PLA2R1: variants seen among roughly 807,000 people sequenced by gnomAD.
The protein encoded by PLA2R1 is secretory phospholipase A2 receptor.
In PLA2R1, 158 loss-of-function variants were observed where a neutral mutation model predicts 195.9. The ratio of observed to expected loss-of-function variants is 0.81; its 90% CI spans 0.71 to 0.92. The LOEUF is 0.92. Ranked by LOEUF, PLA2R1 falls within the 40% of genes least tolerant of loss-of-function variation. The pLI, the probability that PLA2R1 is intolerant of heterozygous loss-of-function variation, is 0.00. For synonymous variants in PLA2R1, 586 were observed against 598.2 expected, an observed-to-expected ratio of 0.98 and a Z score of 0.30; for missense variants, 1,626 against 1,764.6, an observed-to-expected ratio of 0.92 and a Z score of 1.41.
chr2:159,987,601 G>C (rs1690442437), intron 11 of PLA2R1, among the ~76,000 whole-genome samples: 1 of 152,294 alleles, frequency 6.6e-6, no homozygotes, highest in Admixed American at 6.5e-5. Flanking sequence ...GACCTTGTCT[G>C]CTTTGTGCTC....
chr2:160,050,148 A>C (rs137946524), intron 1 of PLA2R1, among the ~76,000 whole-genome samples: 1 of 152,378 alleles, frequency 6.6e-6, no homozygotes, highest in African/African-American at 2.4e-5. Flanking sequence ...AAAAGATTTA[A>C]AAAACCAAGT....
At chr2:159,942,100 A>C in intron 29 of PLA2R1, 27 bp downstream of exon 29, 1 of 1,604,670 alleles carries the variant, frequency 6.2e-7, no homozygotes. Context: ...AGAAAAATCA[A>C]AATGTTTTGT....
chr2:159,965,250 T>C (rs549774386), intron 20 of PLA2R1, among the ~76,000 whole-genome samples: 1 of 152,222 alleles, frequency 6.6e-6, no homozygotes, highest in Admixed American at 6.5e-5. Flanking sequence ...GCATCCACCA[T>C]TGTGCTATCA....
At chr2:159,960,398 G>C (rs1047430399) in intron 20 of PLA2R1, among the ~76,000 whole-genome samples, 1 of 152,156 alleles carries the variant, frequency 6.6e-6, no homozygotes, top group Non-Finnish European at 1.5e-5. Flanking sequence ...GGCTGTGTCT[G>C]TTTTTCCTCA....
chr2:160,022,240 C>A (rs945307267), intron 7 of PLA2R1, among the ~76,000 whole-genome samples: 3 of 152,188 alleles, frequency 2.0e-5, no homozygotes, highest in Middle Eastern at 3.4e-3. Context: ...CTGAACATCA[C>A]CTCACCAAAT....
intron 18 of PLA2R1, among the ~76,000 whole-genome samples, chr2:159,969,690 G>A (rs976982856): frequency 4.0e-5 from 6 of 151,892 alleles, no homozygotes; most frequent in South Asian, 4.1e-4. Context: ...CTACAGGTGC[G>A]CACCACCACG....
In PLA2R1 at chr2:160,037,445, C is replaced by G. The variant is rs186302829; in HGVS notation, c.668-4313G>C. On this transcript the variant is annotated intron_variant, in intron 3 of 29. Coordinates refer to ENST00000283243, the MANE Select transcript of PLA2R1 (RefSeq NM_007366.5). ...TTAGATGGCAATAACCTCTTTCCCCCCTCAAAACCTTCAGATATCTGGCCA... is the reference window on the plus strand; with the variant it reads ...TTAGATGGCAATAACCTCTTTCCCCGCTCAAAACCTTCAGATATCTGGCCA... Among the ~76,000 whole-genome samples the G allele has an allele frequency of 1.0e-3, 156 of 152,190 alleles. 2 individuals carry two copies. The highest frequency in any genetic ancestry group is 3.6e-3 in the African/African-American group (150 of 41,530).
downstream of PLA2R1, among the ~76,000 whole-genome samples, chr2:159,931,572 G>C (rs968421672): frequency 6.6e-6 from 1 of 152,046 alleles, no homozygotes; most frequent in Non-Finnish European, 1.5e-5. Flanking sequence ...CTTTATTTTT[G>C]AGACAGGGTC....
At chr2:159,973,258 C>A (rs1423911949) in intron 17 of PLA2R1, among the ~76,000 whole-genome samples, 3 of 152,150 alleles carry the variant, frequency 2.0e-5, no homozygotes, top group Admixed American at 6.5e-5. Context: ...ATCACCACCA[C>A]CAACAATAAG....
chr2:159,949,118 T>C (rs1687567124), intron 25 of PLA2R1, among the ~76,000 whole-genome samples: 1 of 152,186 alleles, frequency 6.6e-6, no homozygotes, highest in Non-Finnish European at 1.5e-5. Flanking sequence ...TATTTAAACA[T>C]GAATCCTCAA....
chr2:159,944,480 C>T (rs2125918268), intron 28 of PLA2R1, among the ~76,000 whole-genome samples: 1 of 152,258 alleles, frequency 6.6e-6, no homozygotes, highest in Admixed American at 6.5e-5. Flanking sequence ...ACACATTATG[C>T]TTGCAACAGG....
rs749519498 is a variant in PLA2R1, at chr2:159,949,598, T to C, written c.3709+10A>G. The stretch of plus-strand genomic sequence containing the variant: ...AGGTATATTTTTGAGTTGAATAGAA[T>C]TGAACCTACCAGGTGGCACATGACA... On this transcript the variant is annotated intron_variant, in intron 25 of 29. Transcript: ENST00000283243. The C allele has an allele frequency of 2.2e-5, 36 of 1,606,774 alleles. No individual in the cohort carries two copies. The highest frequency in any genetic ancestry group is 1.7e-6 in the Non-Finnish European group (2 of 1,173,598).
intron 20 of PLA2R1, 115 bp from the exon 21 acceptor site, chr2:159,956,742 G>A (rs1434604984): frequency 4.6e-6 from 3 of 657,622 alleles, no homozygotes; most frequent in Admixed American, 2.5e-5. Context: ...TTCTTGGGCA[G>A]AAAGAACTCA....
chr2:160,062,299 C>T lies in PLA2R1; in HGVS notation c.105G>A (p.Trp35Ter). The change falls in exon 1 of 30, where the codon TGG becomes TGA. Residue 35 changes from tryptophan (W) to a stop codon, truncating the protein, a stop_gained. Transcript: ENST00000283243. LOFTEE classifies it high-confidence loss of function. ...AALTPERLLE[W>*]QDKGIFVIQS... The stretch of plus-strand genomic sequence containing the variant: ...CCCCGACCCTGGGAGACTCACCCTG[C>T]CACTCCAGGAGCCGCTCGGGGGTAA... The T allele has an allele frequency of 1.3e-6, 2 of 1,495,500 alleles. No individual in the cohort carries two copies. Among genetic ancestry groups the T allele is most frequent in the Non-Finnish European group, 1.8e-6 (2 of 1,122,754 alleles). 92.6% of individuals were successfully genotyped at this position (1,495,500 alleles called of 1,614,324 possible). A position where few individuals can be genotyped will look rare whatever the true frequency, so the allele number is the denominator to read the frequency against.
chr2:159,977,259 G>T (rs372210074), intron 15 of PLA2R1, 25 bp downstream of exon 15: 62 of 1,571,196 alleles, frequency 3.9e-5, no homozygotes, highest in Non-Finnish European at 5.3e-5. Flanking sequence ...CAAACATATA[G>T]CAAAGATCTT....
chr2:160,052,243 G>A (rs1031018521), intron 1 of PLA2R1, among the ~76,000 whole-genome samples: 1 of 152,110 alleles, frequency 6.6e-6, no homozygotes, highest in Non-Finnish European at 1.5e-5. Context: ...CAGTGCCACC[G>A]GACTGCAGTT....
downstream of PLA2R1, among the ~76,000 whole-genome samples, chr2:159,931,104 T>C (rs886424325): frequency 2.0e-5 from 3 of 152,234 alleles, no homozygotes; most frequent in Admixed American, 1.3e-4. Flanking sequence ...CCAGCCAAGC[T>C]ACCTGTGAAA....
At chr2:159,947,244 A>C (rs1687446767) in intron 26 of PLA2R1, among the ~76,000 whole-genome samples, 175 bp downstream of exon 26, 1 of 152,208 alleles carries the variant, frequency 6.6e-6, no homozygotes, top group Non-Finnish European at 1.5e-5. Context: ...ACATTGTTTC[A>C]TATAGTAGCT....
chr2:159,994,594 T>C (rs1438956984), intron 11 of PLA2R1, among the ~76,000 whole-genome samples: 1 of 152,080 alleles, frequency 6.6e-6, no homozygotes, highest in Non-Finnish European at 1.5e-5. Flanking sequence ...GAAATAATGC[T>C]GAAATGTTTA....
Sources: gnomAD v4.1 joint callset for allele counts (sites outside exome capture counted in the v4.1 genomes callset) on GRCh38, gnomAD v4.1.1 for gene constraint, MANE v1.5 for transcripts, NCBI Gene and HGNC (gene_info 2026-07-23, HGNC 2026-07-21) for gene names.